The following TM4SF5 variants were observed in gnomAD, a reference collection of about 807,000 sequenced individuals.
The protein encoded by TM4SF5 is transmembrane 4 L six family member 5.
A neutral mutation model predicts 22.3 loss-of-function variants in TM4SF5; 16 were observed. That is an observed-to-expected ratio of 0.72 (90% confidence interval 0.49 to 1.09). TM4SF5 has a LOEUF of 1.09. Ranked by LOEUF, TM4SF5 falls within the 50% of genes least tolerant of loss-of-function variation. The pLI is 0.00. For missense variants in TM4SF5, 249 were observed against 266.1 expected, an observed-to-expected ratio of 0.94 and a Z score of 0.45; for synonymous variants, 113 against 109.6, an observed-to-expected ratio of 1.03 and a Z score of -0.19.
intron 1 of TM4SF5, among the ~76,000 whole-genome samples, chr17:4,779,900 G>A (rs887726571): frequency 1.3e-5 from 2 of 152,000 alleles, no homozygotes; most frequent in African/African-American, 4.8e-5. Flanking sequence ...AAAGACCAAG[G>A]CTTGAATCTT....
intron 1 of TM4SF5, among the ~76,000 whole-genome samples, chr17:4,772,948 A>G (rs1006798324): frequency 3.9e-5 from 6 of 152,082 alleles, no homozygotes; most frequent in Non-Finnish European, 8.8e-5. Flanking sequence ...TCTGTCGCCC[A>G]GGCTGGAGTG....
chr17:4,778,829 A>G (rs942471347), intron 1 of TM4SF5, among the ~76,000 whole-genome samples: 10 of 152,200 alleles, frequency 6.6e-5, no homozygotes, highest in East Asian at 3.9e-4. Context: ...AGGCTGAGGC[A>G]GGCGGATCAC....
intron 1 of TM4SF5, among the ~76,000 whole-genome samples, chr17:4,780,344 C>T (rs1052865495): frequency 6.6e-6 from 1 of 152,156 alleles, no homozygotes; most frequent in Non-Finnish European, 1.5e-5. Flanking sequence ...CGTGAACCAC[C>T]GCGCCCGGCC....
At chr17:4,773,285 A>G (rs558802346) in intron 1 of TM4SF5, among the ~76,000 whole-genome samples, 1 of 152,232 alleles carries the variant, frequency 6.6e-6, no homozygotes, top group African/African-American at 2.4e-5. Context: ...CTCCTGCCTC[A>G]GCCTCCCAAA....
intron 1 of TM4SF5, among the ~76,000 whole-genome samples, chr17:4,776,051 G>A (rs988537528): frequency 1.3e-5 from 2 of 151,712 alleles, no homozygotes; most frequent in African/African-American, 4.8e-5. Context: ...GTTTCGCCAT[G>A]TTGGTCAGGC....
chr17:4,782,403 G>A (rs1442487495), intron 2 of TM4SF5, 100 bp from the exon 3 acceptor site: 3 of 1,440,836 alleles, frequency 2.1e-6, no homozygotes, highest in Non-Finnish European at 2.9e-6. Context: ...TTAACAACCC[G>A]ACTGGAGCAG....
intron 1 of TM4SF5, among the ~76,000 whole-genome samples, chr17:4,780,053 CTT>C (rs1189580424): frequency 6.7e-4 from 85 of 127,442 alleles, no homozygotes; most frequent in African/African-American, 1.7e-3. Flanking sequence ...CTGAGCTGGT[CTT>C]TTTTTTTTTT....
At chr17:4,773,587 A>G (rs1416181080) in intron 1 of TM4SF5, among the ~76,000 whole-genome samples, 1 of 151,908 alleles carries the variant, frequency 6.6e-6, no homozygotes, top group Non-Finnish European at 1.5e-5. Context: ...TCACACCTCT[A>G]TTTGCTAAAA....
At position 4,782,873 on chromosome 17, in the gene TM4SF5, C is replaced by A. The variant is rs778370542; in HGVS notation, c.415C>A (p.Arg139Ser). 7 of 1,613,630 alleles carry A rather than the reference C, an allele frequency of 4.3e-6. No homozygotes were observed. The highest frequency in any genetic ancestry group is 1.3e-5 in the African/African-American group (1 of 75,054). The change falls in exon 4 of 5, where the codon CGC becomes AGC. Residue 139 changes from arginine to serine, a missense_variant. By Grantham distance (110) the Arg-to-Ser change is moderately radical. Coordinates refer to ENST00000270560, the MANE Select transcript of TM4SF5 (RefSeq NM_003963.3). ...CCACAGGGGAGCTTACTTGCTCAAC[C>A]GCACTCTATGGGATCGGTGCGAGGC... ...EDTAGAYLLN[R>S]TLWDRCEAPP...
intron 1 of TM4SF5, among the ~76,000 whole-genome samples, chr17:4,777,740 A>G (rs1195592578): frequency 6.6e-6 from 1 of 151,962 alleles, no homozygotes; most frequent in African/African-American, 2.4e-5. Flanking sequence ...CAAAGTTAGC[A>G]GGGCGTGGTG....
intron 1 of TM4SF5, among the ~76,000 whole-genome samples, chr17:4,780,335 G>A (rs548956163): frequency 4.6e-5 from 7 of 152,008 alleles, no homozygotes; most frequent in Middle Eastern, 3.2e-3. Flanking sequence ...GATTTCAGGC[G>A]TGAACCACCG....
intron 1 of TM4SF5, among the ~76,000 whole-genome samples, chr17:4,777,256 A>T (rs1272882529): frequency 6.6e-6 from 1 of 151,852 alleles, no homozygotes; most frequent in Non-Finnish European, 1.5e-5. Flanking sequence ...CATCCAGGAG[A>T]GATGAGAGTG....
At chr17:4,782,462 G>T (rs769903416) in intron 2 of TM4SF5, 41 bp from the exon 3 acceptor site, 11 of 1,612,006 alleles carry the variant, frequency 6.8e-6, no homozygotes, top group Admixed American at 5.0e-5. Flanking sequence ...ACCCACAGGT[G>T]GGGAGATTGG....
chr17:4,775,071 G>A (rs1295892495), intron 1 of TM4SF5, among the ~76,000 whole-genome samples: 1 of 152,040 alleles, frequency 6.6e-6, no homozygotes, highest in Non-Finnish European at 1.5e-5. Context: ...AGACACTAGG[G>A]GCTGGTAGTA....
At chr17:4,780,618 G>A (rs1917284770) in intron 1 of TM4SF5, among the ~76,000 whole-genome samples, 171 bp from the exon 2 acceptor site, 1 of 152,148 alleles carries the variant, frequency 6.6e-6, no homozygotes, top group South Asian at 2.1e-4. Flanking sequence ...ACGTAAATAA[G>A]GATAAAGTAA....
At chr17:4,778,641 G>A (rs1365093185) in intron 1 of TM4SF5, among the ~76,000 whole-genome samples, 1 of 152,022 alleles carries the variant, frequency 6.6e-6, no homozygotes, top group African/African-American at 2.4e-5. Flanking sequence ...AAAGCAAGAA[G>A]CAAGACAGCT....
chr17:4,780,053 C>CTTT (rs1189580424), intron 1 of TM4SF5, among the ~76,000 whole-genome samples: 11 of 127,484 alleles, frequency 8.6e-5, no homozygotes, highest in East Asian at 2.2e-4. Context: ...CTGAGCTGGT[C>CTTT]TTTTTTTTTT....
At chr17:4,779,420 C>T (rs1917260111) in intron 1 of TM4SF5, among the ~76,000 whole-genome samples, 1 of 151,752 alleles carries the variant, frequency 6.6e-6, no homozygotes, top group Non-Finnish European at 1.5e-5. Context: ...CAGAGTGAGA[C>T]CCTGTTTCAA....
At chr17:4,778,715 C>T (rs1023498606) in intron 1 of TM4SF5, among the ~76,000 whole-genome samples, 1 of 152,038 alleles carries the variant, frequency 6.6e-6, no homozygotes, top group African/African-American at 2.4e-5. Context: ...ATAAAGGTAA[C>T]GGAGCCAGAT....
Sources: allele counts gnomAD v4.1 joint callset (sites outside exome capture counted in the v4.1 genomes callset), GRCh38; gene constraint gnomAD v4.1.1; transcripts MANE v1.5; gene names NCBI Gene and HGNC (gene_info 2026-07-23, HGNC 2026-07-21).